The following PLXNA1 variants were observed in gnomAD, a reference collection of about 807,000 sequenced individuals.
PLXNA1 encodes plexin A1.
Under a neutral mutation model 191.7 loss-of-function variants are expected in PLXNA1, and 77 were observed. That is an observed-to-expected ratio of 0.40 (90% confidence interval 0.33 to 0.49). The LOEUF is 0.49. PLXNA1 is among the 20% of genes least tolerant of loss of function. The pLI is 0.63. For synonymous variants in PLXNA1, 1,137 were observed against 1,156.4 expected (o/e 0.98, Z 0.34); for missense variants, 2,110 against 2,660.2 (o/e 0.79, Z 4.55).
chr3:127,027,602 C>A, intron 23 of PLXNA1: 1 of 473,200 alleles, frequency 2.1e-6, no homozygotes. Context: ...CTGCTGAGAC[C>A]AGGGGAGACT....
chr3:127,020,362 G>T lies in PLXNA1; in HGVS notation c.4038+18G>T. On this transcript the variant is annotated intron_variant, in intron 21 of 31. Coordinates refer to ENST00000393409, the MANE Select transcript of PLXNA1 (RefSeq NM_032242.4). ...AGATGGAGGTAGGACCACTGGCTCC[G>T]GGGGGTCACAGGAACTCAGAGGCAG... 2.5e-6 allele frequency: 4 copies of T among 1,609,178 alleles called. No homozygotes were observed. The highest frequency in any genetic ancestry group is 2.5e-6 in the Non-Finnish European group (3 of 1,178,070).
chr3:127,004,189 G>A (rs1474315825), intron 4 of PLXNA1, among the ~76,000 whole-genome samples: 3 of 152,364 alleles, frequency 2.0e-5, no homozygotes, highest in East Asian at 3.9e-4. Context: ...GGGATGCTGG[G>A]CTGAGCCAAG....
chr3:126,991,248 C>A, intron 2 of PLXNA1, 136 bp from the exon 3 acceptor site: 1 of 879,736 alleles, frequency 1.1e-6, no homozygotes, highest in Non-Finnish European at 1.7e-6. Context: ...TAAACCCTCT[C>A]TGTCTGCACC....
chr3:127,014,017 C>T lies in PLXNA1; in HGVS notation c.2314-3C>T. ...GAAGCCTGACGGTGCCATCACCTAA[C>T]AGTACTCCTACGAGGGGAACGATGT... On this transcript the variant is annotated splice_region_variant and splice_polypyrimidine_tract_variant and intron_variant, in intron 10 of 31. Coordinates refer to ENST00000393409, the MANE Select transcript of PLXNA1 (RefSeq NM_032242.4). The T allele has an allele frequency of 6.2e-7, 1 of 1,613,364 alleles. No homozygotes were observed.
At chr3:126,992,434 CG>C (rs2078995336) in intron 3 of PLXNA1, among the ~76,000 whole-genome samples, 1 of 152,092 alleles carries the variant, frequency 6.6e-6, no homozygotes, top group African/African-American at 2.4e-5. Flanking sequence ...GGGGCTGGGC[CG>C]GGGGCTGGCC....
chr3:127,029,512 T>C lies in PLXNA1; in HGVS notation c.4846T>C (p.Phe1616Leu). 6.2e-7 allele frequency: 1 copy of C among 1,613,858 alleles called. No homozygotes were observed. Among genetic ancestry groups the C allele is most frequent in the Non-Finnish European group, 8.5e-7 (1 of 1,179,910 alleles). ...CTACAACATCTCCAACTCCTCCACC[T>C]TCACCAAGTCCCTCAGCAGATACGG... ...SAYNISNSST[F>L]TKSLSRYESM... Residue 1616 changes from phenylalanine (F) to leucine (L), a missense_variant, in exon 27 of 32, where the codon TTC (phenylalanine) becomes CTC (leucine). This residue lies in a region of PLXNA1 where 559 missense variants were observed against 911.5 expected (regional missense o/e 0.61). Transcript: ENST00000393409.
At chr3:127,003,290 G>T in intron 3 of PLXNA1, 40 bp from the exon 4 acceptor site, 3 of 1,540,854 alleles carry the variant, frequency 1.9e-6, no homozygotes, top group Non-Finnish European at 1.8e-6. Context: ...GGTCAGGGAG[G>T]TATCAGCACA....
chr3:126,988,994 C>T lies in PLXNA1; in HGVS notation c.401C>T (p.Ser134Phe). 2 of 1,613,212 alleles carry T rather than the reference C, an allele frequency of 1.2e-6. No homozygotes were observed. The highest frequency in any genetic ancestry group is 1.7e-6 in the Non-Finnish European group (2 of 1,180,030). ...CGCCTGCTGGCCTGTGGCAGCGCCTCCCAGGGCATCTGCCAGTTCCTGCGT... is the reference window on the plus strand; with the variant it reads ...CGCCTGCTGGCCTGTGGCAGCGCCTTCCAGGGCATCTGCCAGTTCCTGCGT... Reference protein sequence around the residue: ...ANRLLACGSASQGICQFLRLD... With the variant: ...ANRLLACGSAFQGICQFLRLD... Residue 134 changes from serine (S) to phenylalanine (F), a missense_variant, in exon 2 of 32, where the codon TCC (serine) becomes TTC (phenylalanine). Physicochemically the swap from Ser to Phe is radical, Grantham distance 155. Coordinates refer to ENST00000393409, the MANE Select transcript of PLXNA1 (RefSeq NM_032242.4).
Position 126,998,670 on chromosome 3 carries a change from C to T in PLXNA1, c.1378-4660C>T, listed in dbSNP as rs73196533. Among the ~76,000 whole-genome samples the T allele has an allele frequency of 6.6e-3, 1,010 of 152,358 alleles. 7 individuals are homozygous for T. The highest frequency in any genetic ancestry group is 0.011 in the Non-Finnish European group (739 of 68,026). On this transcript the variant is annotated intron_variant, in intron 3 of 31. Coordinates refer to ENST00000393409, the MANE Select transcript of PLXNA1 (RefSeq NM_032242.4). ...CATGAACTCCTGAATTCTCACACAG[C>T]TCTGTGAGGTGGATGTTGGCAGATG...
rs756504829 is a variant in PLXNA1, at chr3:127,012,171, G to A, written c.2313+13G>A. ...CCAGAATTCCTCGGTGAGGTGGCCA[G>A]GGCAGGGGCTGGGGGCCGTGAGCCG... On this transcript the variant is annotated intron_variant, in intron 10 of 31. Transcript: ENST00000393409. 1 of 1,607,634 alleles carries A rather than the reference G, an allele frequency of 6.2e-7. No homozygotes were observed. The highest frequency in any genetic ancestry group is 1.1e-5 in the South Asian group (1 of 90,828).
At chr3:127,032,626 G>T in intron 30 of PLXNA1, 27 bp downstream of exon 30, 1 of 1,610,100 alleles carries the variant, frequency 6.2e-7, no homozygotes, top group East Asian at 2.2e-5. Flanking sequence ...GGGGTCGGGG[G>T]CAGGGGCCCG....
In PLXNA1 at chr3:127,025,857, A is replaced by T. The variant is rs1041936484; in HGVS notation, c.4363-2083A>T. On this transcript the variant is annotated intron_variant, in intron 23 of 31. Transcript: ENST00000393409. Reference sequence around the variant, plus strand: ...GAAATTCTGACATGCTGCAACATGGATGAACTTTGAGAACACAAACTCTTT... The same window carrying T: ...GAAATTCTGACATGCTGCAACATGGTTGAACTTTGAGAACACAAACTCTTT... Among the ~76,000 whole-genome samples the T allele has an allele frequency of 2.0e-5, 3 of 152,260 alleles. No homozygotes were observed. The East Asian group carries it at 5.8e-4, about 29-fold the overall frequency.
chr3:127,030,156 C>T lies in PLXNA1; in HGVS notation c.5062-87C>T, dbSNP rs2079201197. ...CCAGAGCAAGGGCCTCACCCCCATGCTCCCATGGCCACTTGCCTAGTCACC... is the reference window on the plus strand; with the variant it reads ...CCAGAGCAAGGGCCTCACCCCCATGTTCCCATGGCCACTTGCCTAGTCACC... On this transcript the variant is annotated intron_variant, in intron 28 of 31. Transcript: ENST00000393409. The T allele has an allele frequency of 3.2e-6, 5 of 1,586,614 alleles. No individual in the cohort carries two copies. The East Asian group carries it at 9.0e-5, about 29-fold the overall frequency.
At chr3:127,033,809 A>G in intron 31 of PLXNA1, 113 bp from the exon 32 acceptor site, 1 of 848,202 alleles carries the variant, frequency 1.2e-6, no homozygotes, top group Non-Finnish European at 1.9e-6. Context: ...TCCTTTGGCC[A>G]GGGGTAGATG....
In PLXNA1 at chr3:126,991,495, G is replaced by A. The variant is rs766392082; in HGVS notation, c.1306G>A (p.Ala436Thr). Residue 436 changes from alanine (A) to threonine (T), a missense_variant, in exon 3 of 32, where the codon GCC becomes ACC. Ala to Thr is a moderately conservative substitution (Grantham distance 58). This residue lies in a region of PLXNA1 where 903 missense variants were observed against 1,015.7 expected (regional missense o/e 0.89). Transcript: ENST00000393409. ...CGTGGACAAGGATGATGGCCTGACC[G>A]CCGTGGCTGCCTATGACTATCGGGG... ...LFVDKDDGLT[A>T]VAAYDYRGRT... 2.4e-5 allele frequency: 39 copies of A among 1,612,244 alleles called. No individual in the cohort carries two copies. Among genetic ancestry groups the A allele is most frequent in the South Asian group, 1.8e-4 (16 of 91,010 alleles).
rs767677428 is a variant in PLXNA1 at position 126,991,404 on chromosome 3, C to T, written c.1215C>T (p.Asp405=). ...CINSPLQIDD[D]FCGQDFNQPL... is the part of the protein sequence containing the mutation. ...CACAGCCCCTGCAGATCGATGACGA[C>T]TTCTGCGGGCAGGACTTCAACCAGC... Residue 405 remains aspartate, a synonymous_variant, in exon 3 of 32, where the codon GAC becomes GAT. Transcript: ENST00000393409. 2 of 1,612,798 alleles carry T rather than the reference C, an allele frequency of 1.2e-6. No homozygotes were observed. Among genetic ancestry groups the T allele is most frequent in the Non-Finnish European group, 1.7e-6 (2 of 1,179,878 alleles).
At position 127,014,319 on chromosome 3, in the gene PLXNA1, T is replaced by A. The variant is rs1336662609; in HGVS notation, c.2548T>A (p.Ser850Thr). 1.3e-6 allele frequency: 2 copies of A among 1,597,698 alleles called. No individual in the cohort carries two copies. The highest frequency in any genetic ancestry group is 1.7e-6 in the Non-Finnish European group (2 of 1,176,830). The change falls in exon 12 of 32, where the codon TCG (serine) becomes ACG (threonine). Residue 850 changes from serine (S) to threonine (T), a missense_variant. Coordinates refer to ENST00000393409, the MANE Select transcript of PLXNA1 (RefSeq NM_032242.4). ...CCACTGCGCTGCCGACACACCTGCATCGTGGATGCACGCGCGTCACGGCAG... is the reference window on the plus strand; with the variant it reads ...CCACTGCGCTGCCGACACACCTGCAACGTGGATGCACGCGCGTCACGGCAG... ...RHHCAADTPA[S>T]WMHARHGSSR...
intron 1 of PLXNA1, among the ~76,000 whole-genome samples, chr3:126,984,696 C>T (rs902945347): frequency 2.6e-5 from 4 of 152,176 alleles, no homozygotes; most frequent in Non-Finnish European, 4.4e-5. Flanking sequence ...TTTGTGGCCT[C>T]AGTGTGTGCT....
intron 23 of PLXNA1, among the ~76,000 whole-genome samples, chr3:127,024,923 G>A (rs185094662): frequency 6.6e-6 from 1 of 152,222 alleles, no homozygotes; most frequent in Non-Finnish European, 1.5e-5. Flanking sequence ...TTATTGTTTA[G>A]AGCAGTTCCA....
Sources: gnomAD v4.1 joint callset for allele counts (sites outside exome capture counted in the v4.1 genomes callset) on GRCh38, gnomAD v4.1.1 for gene constraint, gnomAD v4.1.1 regional missense constraint, MANE v1.5 for transcripts, NCBI Gene and HGNC (gene_info 2026-07-23, HGNC 2026-07-21) for gene names.